GMDS: variants seen among roughly 807,000 people sequenced by gnomAD.
The protein encoded by GMDS is GDP-mannose 4,6-dehydratase, also known as GDP-mannose 4,6 dehydratase.
In GMDS, 20 loss-of-function variants were observed where a neutral mutation model predicts 49.9. That is an observed-to-expected ratio of 0.40 (90% CI 0.28 to 0.58). The LOEUF is 0.58. GMDS is among the 20% of genes least tolerant of loss of function. GMDS has a pLI of 0.42. For missense variants in GMDS, 362 were observed against 481.4 expected, an observed-to-expected ratio of 0.75 and a Z score of 2.32; for synonymous variants, 177 against 178.6, an observed-to-expected ratio of 0.99 and a Z score of 0.07.
chr6:1,713,331 T>C (rs564821033), intron 9 of GMDS, among the ~76,000 whole-genome samples: 292 of 152,242 alleles, frequency 1.9e-3, no homozygotes, highest in Non-Finnish European at 3.1e-3. Context: ...CTGGGAAGAG[T>C]TGGTGGTTGC....
At chr6:1,733,827 G>A (rs1317208141) in intron 8 of GMDS, among the ~76,000 whole-genome samples, 1 of 147,764 alleles carries the variant, frequency 6.8e-6, no homozygotes, top group African/African-American at 2.5e-5. Flanking sequence ...ACTCCAGCCA[G>A]GGCGACAGAG....
intron 7 of GMDS, among the ~76,000 whole-genome samples, chr6:1,925,034 T>C (rs532942746): frequency 2.0e-5 from 3 of 152,314 alleles, no homozygotes; most frequent in African/African-American, 7.2e-5. Flanking sequence ...GCAAATTGAA[T>C]ATTTGTAGCT....
chr6:2,043,834 C>A (rs1184809878), intron 4 of GMDS, among the ~76,000 whole-genome samples: 3 of 151,536 alleles, frequency 2.0e-5, no homozygotes, highest in Admixed American at 2.0e-4. Context: ...ATATCCAACA[C>A]ATATTAGTAA....
chr6:1,680,829 A>T (rs1764763018), intron 9 of GMDS, among the ~76,000 whole-genome samples: 1 of 152,194 alleles, frequency 6.6e-6, no homozygotes, highest in African/African-American at 2.4e-5. Context: ...GGATGCCCAG[A>T]GCCCTTGCCA....
chr6:2,223,400 G>T (rs888340747), intron 1 of GMDS, among the ~76,000 whole-genome samples: 17 of 151,888 alleles, frequency 1.1e-4, no homozygotes, highest in Admixed American at 1.0e-3. Flanking sequence ...AATAGTTTAA[G>T]CTGAGGAGCG....
intron 4 of GMDS, among the ~76,000 whole-genome samples, chr6:2,102,843 A>G (rs1435321961): frequency 6.6e-6 from 1 of 152,168 alleles, no homozygotes; most frequent in Non-Finnish European, 1.5e-5. Context: ...ATTCCATTTA[A>G]TTAAATTAAA....
intron 4 of GMDS, among the ~76,000 whole-genome samples, chr6:2,026,438 C>A (rs925454993): frequency 4.6e-5 from 7 of 152,164 alleles, no homozygotes; most frequent in South Asian, 2.1e-4. Context: ...GCAGAAAGAT[C>A]TTTGCAATTT....
chr6:1,923,456 A>G (rs1389342306), intron 7 of GMDS, among the ~76,000 whole-genome samples: 2 of 152,090 alleles, frequency 1.3e-5, no homozygotes, highest in African/African-American at 4.8e-5. Context: ...GGTCACAGGC[A>G]CCCCCACCTG....
At chr6:2,135,595 ACATCATCATCATCAT>A (rs61342699) in intron 1 of GMDS, among the ~76,000 whole-genome samples, 3 of 149,422 alleles carry the variant, frequency 2.0e-5, no homozygotes, top group African/African-American at 7.3e-5. Flanking sequence ...CACATCTACC[ACATCATCATCATCAT>A]CATCATCATC....
intron 1 of GMDS, among the ~76,000 whole-genome samples, chr6:2,127,289 G>A (rs1775503232): frequency 6.6e-6 from 1 of 152,124 alleles, no homozygotes; most frequent in African/African-American, 2.4e-5. Context: ...TGTAAAGTAT[G>A]AAGTTTGGAC....
At chr6:1,983,582 AAAG>A (rs914794747) in intron 4 of GMDS, among the ~76,000 whole-genome samples, 3 of 152,240 alleles carry the variant, frequency 2.0e-5, no homozygotes, top group African/African-American at 7.2e-5. Context: ...ACATTTCTCT[AAAG>A]AAGACACACA....
At chr6:2,079,980 A>G (rs967618999) in intron 4 of GMDS, among the ~76,000 whole-genome samples, 1 of 152,124 alleles carries the variant, frequency 6.6e-6, no homozygotes, top group African/African-American at 2.4e-5. Flanking sequence ...ATATGTCTCG[A>G]AGGCTTCAAT....
At chr6:1,951,687 T>C (rs960406893) in intron 6 of GMDS, among the ~76,000 whole-genome samples, 4 of 152,026 alleles carry the variant, frequency 2.6e-5, no homozygotes, top group Admixed American at 1.3e-4. Flanking sequence ...ATGACCACCA[T>C]GCCCGGCCTG....
intron 4 of GMDS, among the ~76,000 whole-genome samples, chr6:2,101,525 C>T (rs944349661): frequency 6.6e-5 from 10 of 151,566 alleles, no homozygotes; most frequent in African/African-American, 2.4e-4. Flanking sequence ...GTGGAATCCC[C>T]AGTTAGAAAC....
At chr6:2,035,214 A>G (rs564807416) in intron 4 of GMDS, among the ~76,000 whole-genome samples, 14 of 152,342 alleles carry the variant, frequency 9.2e-5, no homozygotes, top group African/African-American at 3.1e-4. Flanking sequence ...GGAAGGCTTC[A>G]TTATGAAAGG....
intron 4 of GMDS, among the ~76,000 whole-genome samples, chr6:1,974,846 C>T (rs1481099485): frequency 6.9e-6 from 1 of 144,228 alleles, no homozygotes; most frequent in Admixed American, 7.1e-5. Flanking sequence ...GCCTGGCCAA[C>T]ATGGTGAAAT....
chr6:1,643,626 G>A (rs1020756156), intron 9 of GMDS, among the ~76,000 whole-genome samples: 4 of 152,100 alleles, frequency 2.6e-5, no homozygotes, highest in Admixed American at 2.6e-4. Context: ...AGACAGGGGT[G>A]GAGAGGTGAC....
intron 7 of GMDS, 53 bp downstream of exon 7, chr6:1,930,050 T>C (rs1181134141): frequency 2.0e-6 from 3 of 1,516,448 alleles, no homozygotes; most frequent in South Asian, 1.2e-5. Context: ...GCTTGGCATT[T>C]AGAATATCAA....
chr6:1,989,426 G>C (rs1472846397), intron 4 of GMDS, among the ~76,000 whole-genome samples: 1 of 152,092 alleles, frequency 6.6e-6, no homozygotes, highest in African/African-American at 2.4e-5. Flanking sequence ...TGAGGGGAGA[G>C]GGTAACCCTG....
Sources: allele counts gnomAD v4.1 joint callset (sites outside exome capture counted in the v4.1 genomes callset), GRCh38; gene constraint gnomAD v4.1.1; transcripts MANE v1.5; gene names NCBI Gene and HGNC (gene_info 2026-07-23, HGNC 2026-07-21).